GPC5: variants seen among roughly 807,000 people sequenced by gnomAD.
GPC5 encodes the protein glypican-5.
A neutral mutation model predicts 53.9 loss-of-function variants in GPC5; 47 were observed. The observed-to-expected ratio is 0.87, with a 90% CI of 0.69 to 1.11. The LOEUF (loss-of-function observed/expected upper bound fraction) is 1.11, where lower values mean the gene tolerates loss of function less well. GPC5 is among the 50% of genes most tolerant of loss of function. The probability of loss-of-function intolerance (pLI) is 0.00; values close to 1 mark genes in which losing one functional copy is unlikely to be tolerated. For missense variants in GPC5, 748 were observed against 713.1 expected (o/e 1.05, Z -0.56); for synonymous variants, 286 against 263.3 (o/e 1.09, Z -0.84).
At chr13:92,848,123 T>G (rs1878671547) in intron 7 of GPC5, among the ~76,000 whole-genome samples, 2 of 152,190 alleles carry the variant, frequency 1.3e-5, no homozygotes, top group African/African-American at 4.8e-5. Context: ...GTCAACTCAC[T>G]TTGCCTGCAG....
intron 6 of GPC5, among the ~76,000 whole-genome samples, chr13:91,908,917 A>T (rs377628848): frequency 9.9e-5 from 15 of 152,174 alleles, no homozygotes; most frequent in African/African-American, 3.6e-4. Flanking sequence ...TTTTTATTGC[A>T]TACAACATAT....
chr13:92,247,569 T>A (rs1335221881), intron 7 of GPC5, among the ~76,000 whole-genome samples: 3 of 152,244 alleles, frequency 2.0e-5, no homozygotes, highest in East Asian at 1.9e-4. Context: ...TATAATATAG[T>A]CTATGGAACA....
At chr13:92,342,231 C>A (rs1253282397) in intron 7 of GPC5, among the ~76,000 whole-genome samples, 1 of 152,078 alleles carries the variant, frequency 6.6e-6, no homozygotes, top group Admixed American at 6.6e-5. Flanking sequence ...CTGCTCTGAG[C>A]TCTACTTTTT....
At chr13:92,487,490 T>G (rs1037084880) in intron 7 of GPC5, among the ~76,000 whole-genome samples, 1 of 152,196 alleles carries the variant, frequency 6.6e-6, no homozygotes, top group Non-Finnish European at 1.5e-5. Context: ...GGGATAATAC[T>G]TATCTATAAG....
chr13:91,755,591 A>G (rs2037272321), intron 4 of GPC5, among the ~76,000 whole-genome samples: 1 of 152,138 alleles, frequency 6.6e-6, no homozygotes. Flanking sequence ...AAAACAAAAA[A>G]CCTGCTTGTT....
chr13:92,106,739 C>T (rs1010819715), intron 6 of GPC5, among the ~76,000 whole-genome samples: 4 of 152,058 alleles, frequency 2.6e-5, no homozygotes, highest in Non-Finnish European at 5.9e-5. Flanking sequence ...TTGGCCAAGG[C>T]TTCCATTCGC....
intron 7 of GPC5, among the ~76,000 whole-genome samples, chr13:92,716,945 T>G (rs773562542): frequency 5.3e-5 from 8 of 152,118 alleles, no homozygotes; most frequent in Non-Finnish European, 1.2e-4. Flanking sequence ...TAGATAACAT[T>G]ATCCCTATTT....
At chr13:92,715,753 G>C (rs537014016) in intron 7 of GPC5, among the ~76,000 whole-genome samples, 2 of 152,278 alleles carry the variant, frequency 1.3e-5, no homozygotes, top group East Asian at 3.9e-4. Flanking sequence ...GAAGATTCTA[G>C]AGTTTACATG....
At chr13:91,879,094 T>C (rs1490543879) in intron 5 of GPC5, among the ~76,000 whole-genome samples, 2 of 151,970 alleles carry the variant, frequency 1.3e-5, no homozygotes, top group Non-Finnish European at 2.9e-5. Flanking sequence ...TATTAGTTTT[T>C]GAAAAAAAAC....
chr13:92,140,326 A>G (rs2041821023), intron 6 of GPC5, among the ~76,000 whole-genome samples: 1 of 152,160 alleles, frequency 6.6e-6, no homozygotes, highest in South Asian at 2.1e-4. Context: ...ACAAAATAAT[A>G]CATAATATGG....
chr13:91,493,833 C>T (rs2139264399), intron 2 of GPC5, among the ~76,000 whole-genome samples: 1 of 151,952 alleles, frequency 6.6e-6, no homozygotes, highest in Non-Finnish European at 1.5e-5. Context: ...AACGATTCTA[C>T]CCTCATGTTT....
intron 7 of GPC5, among the ~76,000 whole-genome samples, chr13:92,773,540 C>T (rs34407653): frequency 0.17 from 25,548 of 152,048 alleles, 2,295 homozygotes; most frequent in African/African-American, 0.22. Context: ...GACTAAAATT[C>T]ACCAGATGAC....
At chr13:92,711,697 A>T (rs1888144988) in intron 7 of GPC5, among the ~76,000 whole-genome samples, 1 of 152,076 alleles carries the variant, frequency 6.6e-6, no homozygotes, top group Non-Finnish European at 1.5e-5. Flanking sequence ...ACCATAAAAA[A>T]CATCTCAACA....
intron 2 of GPC5, among the ~76,000 whole-genome samples, chr13:91,653,147 T>C (rs1410278184): frequency 6.6e-6 from 1 of 152,214 alleles, no homozygotes; most frequent in Non-Finnish European, 1.5e-5. Context: ...ACAACTCCAG[T>C]AATGAGGACT....
At chr13:91,437,263 A>G (rs1325420759) in intron 1 of GPC5, among the ~76,000 whole-genome samples, 1 of 152,134 alleles carries the variant, frequency 6.6e-6, no homozygotes, top group African/African-American at 2.4e-5. Context: ...TTGTTGGTTG[A>G]TGCAGTTTCT....
chr13:92,141,568 A>C (rs1394862094), intron 6 of GPC5, among the ~76,000 whole-genome samples: 2 of 152,158 alleles, frequency 1.3e-5, no homozygotes, highest in Non-Finnish European at 2.9e-5. Flanking sequence ...CCAAGCAGTA[A>C]ATGTGGCCCA....
intron 7 of GPC5, among the ~76,000 whole-genome samples, chr13:92,517,157 G>C (rs1259816852): frequency 2.0e-5 from 3 of 152,296 alleles, no homozygotes; most frequent in Non-Finnish European, 2.9e-5. Flanking sequence ...CCTGAGGCTT[G>C]TGTAGGTAAA....
chr13:92,021,214 A>G (rs1419472830), intron 6 of GPC5, among the ~76,000 whole-genome samples: 1 of 152,214 alleles, frequency 6.6e-6, no homozygotes. Context: ...AATAGCTATG[A>G]TTTGGAAACA....
At chr13:92,576,839 T>C (rs1385863651) in intron 7 of GPC5, among the ~76,000 whole-genome samples, 1 of 152,224 alleles carries the variant, frequency 6.6e-6, no homozygotes, top group African/African-American at 2.4e-5. Flanking sequence ...CTTGAAATCA[T>C]GTACCATCTT....
Sources: gnomAD v4.1 joint callset for allele counts (sites outside exome capture counted in the v4.1 genomes callset) on GRCh38, gnomAD v4.1.1 for gene constraint, MANE v1.5 for transcripts, NCBI Gene and HGNC (gene_info 2026-07-23, HGNC 2026-07-21) for gene names.